MGRN1: variants seen among roughly 807,000 people sequenced by gnomAD.
The protein encoded by MGRN1 is E3 ubiquitin-protein ligase MGRN1.
In MGRN1, 29 loss-of-function variants were observed where a neutral mutation model predicts 69.2. The ratio of observed to expected loss-of-function variants is 0.42; its 90% confidence interval spans 0.31 to 0.57. The LOEUF is 0.57. MGRN1 is among the 20% of genes least tolerant of loss of function. The pLI is 0.15. For missense variants in MGRN1, 998 were observed against 796.2 expected, an observed-to-expected ratio of 1.25 and a Z score of -3.05; for synonymous variants, 470 against 344.2, an observed-to-expected ratio of 1.37 and a Z score of -4.04.
At position 4,629,570 on chromosome 16, in the gene MGRN1, C is replaced by G. The variant is rs577586722; in HGVS notation, c.88+4522C>G. ...CCTGGCCAACATGGTGAAACCCCAT[C>G]TCTACTAAAAATACAAAAATTAGCT... On this transcript the variant is annotated intron_variant, in intron 1 of 16. Coordinates refer to ENST00000262370, the MANE Select transcript of MGRN1 (RefSeq NM_015246.4). 7.9e-5 allele frequency among the ~76,000 whole-genome samples: 12 copies of G among 151,952 alleles called. No individual in the cohort carries two copies. In the East Asian group the frequency reaches 2.3e-3, roughly 30 times the overall value.
intron 1 of MGRN1, chr16:4,649,507 G>C (rs58187501): frequency 0.13 from 20,274 of 152,248 alleles, 3,009 homozygotes; most frequent in African/African-American, 0.37. Flanking sequence ...CCGCATCACT[G>C]CAATCTCTTG....
At position 4,652,043 on chromosome 16, in the gene MGRN1, G is replaced by T. The variant is rs1195829874; in HGVS notation, c.288G>T (p.Arg96=). 6.2e-7 allele frequency: 1 copy of T among 1,613,916 alleles called. No homozygotes were observed. Among genetic ancestry groups the T allele is most frequent in the African/African-American group, 1.3e-5 (1 of 74,936 alleles). Residue 96 remains arginine (R), a synonymous_variant, in exon 3 of 17, where the codon CGG becomes CGT. Transcript: ENST00000262370. ...SLVNIRKDSL[R]LVRYKDDADS... ...TGAACATCCGCAAAGACTCCCTGCGGCTGGTGAGGTAACTTCACCCTGCCC... is the reference window on the plus strand; with the variant it reads ...TGAACATCCGCAAAGACTCCCTGCGTCTGGTGAGGTAACTTCACCCTGCCC...
chr16:4,678,859 C>T (rs554020032), intron 11 of MGRN1, among the ~76,000 whole-genome samples: 1 of 152,364 alleles, frequency 6.6e-6, no homozygotes, highest in South Asian at 2.1e-4. Context: ...GAAGGCTCCT[C>T]CCAAGCCCCC....
chr16:4,630,514 G>A, intron 1 of MGRN1, among the ~76,000 whole-genome samples: 1 of 151,628 alleles, frequency 6.6e-6, no homozygotes, highest in Non-Finnish European at 1.5e-5. Context: ...GTAGTGGCAT[G>A]ATCTTAGCTC....
At chr16:4,668,655 T>C (rs56308101) in intron 8 of MGRN1, among the ~76,000 whole-genome samples, 70,107 of 151,658 alleles carry the variant, frequency 0.46, 16,457 homozygotes, top group East Asian at 0.65. Flanking sequence ...CACACTCATA[T>C]ACTCAGTCAC....
intron 1 of MGRN1, among the ~76,000 whole-genome samples, chr16:4,631,109 G>A (rs1002578948): frequency 2.0e-5 from 3 of 152,018 alleles, no homozygotes; most frequent in Non-Finnish European, 2.9e-5. Flanking sequence ...GGTGTGAGCC[G>A]CTGTAGCTGA....
intron 10 of MGRN1, among the ~76,000 whole-genome samples, chr16:4,674,884 C>T (rs2141957015): frequency 6.6e-6 from 1 of 151,624 alleles, no homozygotes; most frequent in East Asian, 1.9e-4. Context: ...TCATGATCCA[C>T]CCGCCTCGGC....
At chr16:4,686,502 G>C (rs1387059226) in intron 16 of MGRN1, 113 of 1,382,164 alleles carry the variant, frequency 8.2e-5, no homozygotes, top group Non-Finnish European at 1.0e-4. Flanking sequence ...CCTCCTGGGG[G>C]GTCCTGACTT....
intron 8 of MGRN1, among the ~76,000 whole-genome samples, chr16:4,670,952 G>A (rs1211893108): frequency 6.6e-6 from 1 of 152,244 alleles, no homozygotes; most frequent in African/African-American, 2.4e-5. Context: ...TCAGCTTGGA[G>A]ACATTGCTTT....
chr16:4,641,762 G>A (rs1013476032), intron 1 of MGRN1, among the ~76,000 whole-genome samples: 3 of 151,668 alleles, frequency 2.0e-5, no homozygotes, highest in African/African-American at 4.8e-5. Context: ...CAGGTGATTC[G>A]CCTGCCTCGG....
intron 5 of MGRN1, among the ~76,000 whole-genome samples, chr16:4,659,307 G>A (rs930417418): frequency 1.3e-4 from 20 of 152,196 alleles, no homozygotes; most frequent in Non-Finnish European, 2.2e-4. Flanking sequence ...GTGCTGTGTG[G>A]CGTGTGTGCT....
chr16:4,635,434 C>T (rs1273773427), intron 1 of MGRN1, among the ~76,000 whole-genome samples: 1 of 151,886 alleles, frequency 6.6e-6, no homozygotes, highest in Non-Finnish European at 1.5e-5. Context: ...ATTAATAAGT[C>T]AAATAAAAAA....
In MGRN1 at chr16:4,681,649, T is replaced by G. The variant is rs755083140; in HGVS notation, c.1231T>G (p.Tyr411Asp). 1.9e-6 allele frequency: 3 copies of G among 1,613,470 alleles called. No individual in the cohort carries two copies. Among genetic ancestry groups the G allele is most frequent in the Non-Finnish European group, 2.5e-6 (3 of 1,180,002 alleles). The change falls in exon 13 of 17, where the codon TAT becomes GAT. Residue 411 changes from tyrosine to aspartate, a missense_variant. By Grantham distance (160) the Tyr-to-Asp change is radical. Transcript: ENST00000262370. The part of the protein sequence containing the change: ...VSPAIPSAPL[Y>D]EEITYSGISD... ...CCCGGCCATCCCCTCGGCCCCTCTT[T>G]ATGAAGAAATCACCTATTCAGGCAT...
intron 10 of MGRN1, among the ~76,000 whole-genome samples, chr16:4,675,532 A>G (rs927061273): frequency 6.6e-6 from 1 of 152,130 alleles, no homozygotes; most frequent in African/African-American, 2.4e-5. Flanking sequence ...TGAGCCCAAG[A>G]GTTCGAGACT....
chr16:4,627,866 G>C (rs535423090), intron 1 of MGRN1, among the ~76,000 whole-genome samples: 3 of 151,356 alleles, frequency 2.0e-5, no homozygotes, highest in Admixed American at 2.0e-4. Flanking sequence ...GGATCACAAG[G>C]TCAGGAGATC....
At chr16:4,641,887 C>T (rs557865407) in intron 1 of MGRN1, among the ~76,000 whole-genome samples, 2 of 151,812 alleles carry the variant, frequency 1.3e-5, no homozygotes, top group Non-Finnish European at 2.9e-5. Flanking sequence ...TTCGTGGCTT[C>T]AAGCCATCTT....
chr16:4,668,967 C>G (rs986094996), intron 8 of MGRN1, among the ~76,000 whole-genome samples: 6 of 151,942 alleles, frequency 3.9e-5, no homozygotes, highest in African/African-American at 1.5e-4. Context: ...CACACTCATA[C>G]AATCACTCAC....
At chr16:4,683,201 C>T (rs951854254) in intron 14 of MGRN1, 23 bp from the exon 15 acceptor site, 2 of 1,613,040 alleles carry the variant, frequency 1.2e-6, no homozygotes, top group Non-Finnish European at 1.7e-6. Context: ...GAGCTCTAGG[C>T]TACTTTCCCC....
intron 4 of MGRN1, among the ~76,000 whole-genome samples, chr16:4,653,985 C>T (rs1358094673): frequency 1.3e-5 from 2 of 152,220 alleles, no homozygotes; most frequent in South Asian, 2.1e-4. Flanking sequence ...CGCTCGACCT[C>T]AGGTGATCCA....
Sources: allele counts gnomAD v4.1 joint callset (sites outside exome capture counted in the v4.1 genomes callset), GRCh38; gene constraint gnomAD v4.1.1; transcripts MANE v1.5; gene names NCBI Gene and HGNC (gene_info 2026-07-23, HGNC 2026-07-21).